Variants in FLNB observed in about 807,000 individuals in gnomAD.
FLNB encodes filamin B, also known as filamin-B.
Under a neutral mutation model 250.6 loss-of-function variants are expected in FLNB, and 111 were observed. The ratio of observed to expected loss-of-function variants is 0.44; its 90% CI spans 0.38 to 0.52. FLNB has a LOEUF of 0.52. Among genes scored for constraint, FLNB ranks in the 20% least tolerant of loss-of-function variants. FLNB has a pLI of 0.00. For missense variants in FLNB, 2,869 were observed against 3,447.8 expected (o/e 0.83, Z 4.20); for synonymous variants, 1,302 against 1,372.1 (o/e 0.95, Z 1.13).
In FLNB at chr3:58,147,012, TG is replaced by T; in HGVS notation, c.5728+23del. On this transcript the variant is annotated intron_variant, in intron 34 of 45. Transcript: ENST00000295956. ...ATCACAGGTAGGGTTGTCTGGCTTC[TG>T]GGGTCTTCCTCGTGGGAAGTATGGC... The T allele has an allele frequency of 6.2e-7, 1 of 1,613,234 alleles. No homozygotes were observed. The highest frequency in any genetic ancestry group is 8.5e-7 in the Non-Finnish European group (1 of 1,179,912).
intron 25 of FLNB, chr3:58,132,540 G>A (rs1559717847): frequency 1.3e-5 from 7 of 532,774 alleles, no homozygotes; most frequent in Non-Finnish European, 2.4e-5. Flanking sequence ...GCAAGCACAG[G>A]CAGTCTCCTT....
intron 18 of FLNB, among the ~76,000 whole-genome samples, chr3:58,117,589 C>G (rs1260143540): frequency 1.3e-5 from 2 of 152,158 alleles, no homozygotes; most frequent in Non-Finnish European, 2.9e-5. Flanking sequence ...GCCACGTTGG[C>G]TGAAGTAGCG....
chr3:58,024,862 G>A lies in FLNB; in HGVS notation c.292+16006G>A, dbSNP rs940392249. On this transcript the variant is annotated intron_variant, in intron 1 of 45. Transcript: ENST00000295956. ...CTGAGTAGCTGGTACTACAGGTGCCGCCACTATGCCCAGCTAATTTTTGTA... is the reference window on the plus strand; with the variant it reads ...CTGAGTAGCTGGTACTACAGGTGCCACCACTATGCCCAGCTAATTTTTGTA... Among the ~76,000 whole-genome samples, 15 of 151,080 alleles carry A rather than the reference G, an allele frequency of 9.9e-5. 1 individual carries two copies. In the Middle Eastern group the frequency reaches 0.014, roughly 137 times the overall value.
intron 18 of FLNB, among the ~76,000 whole-genome samples, chr3:58,116,622 G>A (rs182063634): frequency 1.1e-4 from 16 of 152,312 alleles, no homozygotes; most frequent in Admixed American, 8.5e-4. Context: ...AAAGTAGAGC[G>A]CGTTTTGCCT....
At chr3:58,155,274 G>A (rs1342335412) in intron 40 of FLNB, among the ~76,000 whole-genome samples, 4 of 152,250 alleles carry the variant, frequency 2.6e-5, no homozygotes, top group Non-Finnish European at 4.4e-5. Context: ...TCTAGCAGGA[G>A]CTCTTAACCT....
intron 34 of FLNB, among the ~76,000 whole-genome samples, chr3:58,147,808 C>A (rs1201566501): frequency 6.6e-6 from 1 of 152,144 alleles, no homozygotes; most frequent in African/African-American, 2.4e-5. Flanking sequence ...TTACAGCACC[C>A]ACCACCACAC....
chr3:58,121,927 T>G (rs2097289355), intron 20 of FLNB, among the ~76,000 whole-genome samples: 2 of 152,118 alleles, frequency 1.3e-5, no homozygotes, highest in South Asian at 4.1e-4. Context: ...CCCAGCACTT[T>G]GGGAGGCCGA....
intron 27 of FLNB, among the ~76,000 whole-genome samples, chr3:58,135,349 C>T (rs2097314135): frequency 6.6e-6 from 1 of 152,224 alleles, no homozygotes; most frequent in South Asian, 2.1e-4. Context: ...TCTCTCTGCT[C>T]CTCTACCTAG....
At chr3:58,026,781 C>G (rs770449997) in intron 1 of FLNB, among the ~76,000 whole-genome samples, 2 of 152,178 alleles carry the variant, frequency 1.3e-5, no homozygotes, top group Admixed American at 6.5e-5. Context: ...AATACTGCAG[C>G]GCTACCAAAT....
intron 1 of FLNB, among the ~76,000 whole-genome samples, chr3:58,026,312 G>T (rs115366843): frequency 2.0e-5 from 3 of 152,054 alleles, no homozygotes; most frequent in Admixed American, 6.6e-5. Flanking sequence ...AGTCTGACTC[G>T]TCCCTGCCTT....
At chr3:58,056,934 G>T (rs577498067) in intron 1 of FLNB, among the ~76,000 whole-genome samples, 1 of 152,090 alleles carries the variant, frequency 6.6e-6, no homozygotes, top group African/African-American at 2.4e-5. Context: ...TCAGCAATCA[G>T]TGTATACTTG....
chr3:58,076,233 T>C (rs1177746322), intron 1 of FLNB, among the ~76,000 whole-genome samples: 1 of 152,130 alleles, frequency 6.6e-6, no homozygotes, highest in African/African-American at 2.4e-5. Flanking sequence ...GAAACAAACT[T>C]TTTATAGGGA....
Position 58,126,688 on chromosome 3 carries a change from G to A in FLNB, c.4148G>A (p.Cys1383Tyr). 1.2e-6 allele frequency: 2 copies of A among 1,613,936 alleles called. No homozygotes were observed. Among genetic ancestry groups the A allele is most frequent in the South Asian group, 1.1e-5 (1 of 91,080 alleles). ...INCRDNKDGSCSAEYIPFAPG... is the reference protein window; with the variant it reads ...INCRDNKDGSYSAEYIPFAPG... Reference sequence around the variant, plus strand: ...TGCAGAGACAACAAGGATGGCAGCTGCAGTGCTGAGTACATTCCTTTCGCA... The same window carrying A: ...TGCAGAGACAACAAGGATGGCAGCTACAGTGCTGAGTACATTCCTTTCGCA... The change falls in exon 24 of 46, where the codon TGC becomes TAC. Residue 1383 changes from cysteine to tyrosine, a missense_variant. By Grantham distance (194) the Cys-to-Tyr change is radical. This residue lies in a region of FLNB where 1,348 missense variants were observed against 1,466.7 expected (regional missense o/e 0.92). Transcript: ENST00000295956.
At chr3:58,074,252 T>TA (rs1290700295) in intron 1 of FLNB, among the ~76,000 whole-genome samples, 2 of 152,236 alleles carry the variant, frequency 1.3e-5, no homozygotes, top group Non-Finnish European at 2.9e-5. Context: ...TCAGAAACTT[T>TA]AAAAGCGAGC....
intron 17 of FLNB, 83 bp from the exon 18 acceptor site, chr3:58,112,066 T>G: frequency 1.1e-5 from 15 of 1,361,518 alleles, no homozygotes; most frequent in Non-Finnish European, 1.5e-5. Flanking sequence ...ATAGACCTGG[T>G]GCTGTTGAAC....
intron 7 of FLNB, among the ~76,000 whole-genome samples, 197 bp downstream of exon 7, chr3:58,098,174 A>C (rs1355309908): frequency 6.6e-6 from 1 of 152,264 alleles, no homozygotes; most frequent in Non-Finnish European, 1.5e-5. Flanking sequence ...CTTCACTTGA[A>C]TAAGACATAC....
intron 32 of FLNB, 70 bp from the exon 33 acceptor site, chr3:58,145,849 ATG>A: frequency 5.6e-6 from 9 of 1,602,308 alleles, no homozygotes; most frequent in Non-Finnish European, 7.7e-6. Context: ...GGACGTCAAG[ATG>A]CCAGTTGTCC....
At chr3:58,104,202 T>G in intron 10 of FLNB, 117 bp downstream of exon 10, 22 of 920,734 alleles carry the variant, frequency 2.4e-5, no homozygotes, top group Non-Finnish European at 3.4e-5. Context: ...TGAAAACTTT[T>G]TTTTTTTTTT....
chr3:58,060,573 G>C (rs532444461), intron 1 of FLNB, among the ~76,000 whole-genome samples: 3 of 151,314 alleles, frequency 2.0e-5, no homozygotes, highest in Admixed American at 2.0e-4. Context: ...GGCTGGTCTC[G>C]AACTCCTGAT....
Sources: gnomAD v4.1 joint callset for allele counts (sites outside exome capture counted in the v4.1 genomes callset) on GRCh38, gnomAD v4.1.1 for gene constraint, gnomAD v4.1.1 regional missense constraint, MANE v1.5 for transcripts, NCBI Gene and HGNC (gene_info 2026-07-23, HGNC 2026-07-21) for gene names.